KCNIP4: variants seen among roughly 807,000 people sequenced by gnomAD.
KCNIP4 encodes Kv channel-interacting protein 4.
In KCNIP4, 12 loss-of-function variants were observed where a neutral mutation model predicts 34.0. The ratio of observed to expected loss-of-function variants is 0.35; its 90% CI spans 0.23 to 0.57. The LOEUF (loss-of-function observed/expected upper bound fraction) is 0.57. Among genes scored for constraint, KCNIP4 ranks in the 20% least tolerant of loss-of-function variants. The pLI is 0.83. For missense variants in KCNIP4, 238 were observed against 311.7 expected, an observed-to-expected ratio of 0.76 and a Z score of 1.78; for synonymous variants, 124 against 102.2, an observed-to-expected ratio of 1.21 and a Z score of -1.29.
At chr4:20,905,234 C>G (rs370306990) in intron 1 of KCNIP4, among the ~76,000 whole-genome samples, 25 of 152,188 alleles carry the variant, frequency 1.6e-4, no homozygotes, top group African/African-American at 5.1e-4. Context: ...TGTCTTGTAT[C>G]GATGAGCACC....
Position 21,693,110 on chromosome 4 carries a change from AGACAGAGTGGTGG to A in KCNIP4, c.61+255448_61+255460del, listed in dbSNP as rs1711868558. On this transcript the variant is annotated intron_variant, in intron 1 of 8. Coordinates refer to ENST00000382152, the MANE Select transcript of KCNIP4 (RefSeq NM_025221.6). Reference sequence around the variant, plus strand: ...GATTTTGCTTAGGATCACCTCTTCCAGACAGAGTGGTGGCCTTGAGTACAGGAATATAGCCTAC... The same window carrying A: ...GATTTTGCTTAGGATCACCTCTTCCACCTTGAGTACAGGAATATAGCCTAC... Among the ~76,000 whole-genome samples the A allele has an allele frequency of 1.0e-4, 3 of 29,872 alleles. 1 individual carries two copies. The highest frequency in any genetic ancestry group is 2.1e-4 in the Admixed American group (1 of 4,794). The allele number at this position is 29,872 out of a possible 152,430, so 19.6% of individuals were successfully genotyped here.
chr4:20,970,907 T>C (rs1340889353), intron 1 of KCNIP4, among the ~76,000 whole-genome samples: 5 of 152,126 alleles, frequency 3.3e-5, no homozygotes. Flanking sequence ...GTGCTTGAAA[T>C]TTAGCAAAAG....
intron 1 of KCNIP4, among the ~76,000 whole-genome samples, chr4:21,741,411 C>G (rs1376427072): frequency 6.6e-6 from 1 of 152,122 alleles, no homozygotes; most frequent in Non-Finnish European, 1.5e-5. Flanking sequence ...ACTGCATATT[C>G]CAGAAATCCA....
intron 1 of KCNIP4, among the ~76,000 whole-genome samples, chr4:21,096,607 G>C (rs1159211433): frequency 1.3e-5 from 2 of 151,896 alleles, no homozygotes; most frequent in African/African-American, 4.8e-5. Context: ...CACTAAAGTT[G>C]GTTCTTCGAG....
intron 1 of KCNIP4, among the ~76,000 whole-genome samples, chr4:21,795,084 T>A (rs1230297563): frequency 2.0e-5 from 3 of 152,210 alleles, no homozygotes; most frequent in African/African-American, 7.2e-5. Context: ...AGATTGTACC[T>A]CAAAATGAGA....
intron 1 of KCNIP4, among the ~76,000 whole-genome samples, chr4:20,955,364 C>T (rs1175618184): frequency 6.6e-6 from 1 of 152,156 alleles, no homozygotes; most frequent in Non-Finnish European, 1.5e-5. Flanking sequence ...CTACTTTCCT[C>T]TTATCTAGAA....
intron 1 of KCNIP4, among the ~76,000 whole-genome samples, chr4:21,291,867 A>AAAAAAAGAAAG (rs1763506119): frequency 2.0e-5 from 1 of 51,114 alleles, no homozygotes; most frequent in African/African-American, 9.9e-5. Context: ...AAAAAAAAAA[A>AAAAAAAGAAAG]AAAGAAAGAA....
intron 1 of KCNIP4, among the ~76,000 whole-genome samples, chr4:21,396,420 G>T (rs1330401074): frequency 6.6e-6 from 1 of 151,780 alleles, no homozygotes; most frequent in Non-Finnish European, 1.5e-5. Context: ...GCTGAGCATG[G>T]TGGCAGATGC....
At chr4:21,462,228 G>C (rs1729521077) in intron 1 of KCNIP4, among the ~76,000 whole-genome samples, 1 of 152,060 alleles carries the variant, frequency 6.6e-6, no homozygotes, top group South Asian at 2.1e-4. Context: ...TTTTCACCCT[G>C]CTGATAAAGA....
intron 1 of KCNIP4, among the ~76,000 whole-genome samples, chr4:20,987,013 G>A (rs1736640392): frequency 6.6e-6 from 1 of 152,148 alleles, no homozygotes; most frequent in South Asian, 2.1e-4. Flanking sequence ...TGCACCCCCA[G>A]CTGTGAGATT....
At chr4:20,784,580 CCTT>C (rs1352087132) in intron 3 of KCNIP4, among the ~76,000 whole-genome samples, 1 of 152,186 alleles carries the variant, frequency 6.6e-6, no homozygotes, top group Admixed American at 6.6e-5. Flanking sequence ...CTTTCCCTTT[CCTT>C]CTTCTTTCCT....
intron 3 of KCNIP4, among the ~76,000 whole-genome samples, chr4:20,795,875 G>A (rs903748775): frequency 6.6e-6 from 1 of 151,996 alleles, no homozygotes; most frequent in East Asian, 1.9e-4. Flanking sequence ...TCATAAGATG[G>A]TTCACAATGG....
intron 1 of KCNIP4, among the ~76,000 whole-genome samples, chr4:21,863,322 G>GA (rs1303141750): frequency 7.4e-5 from 11 of 149,050 alleles, no homozygotes. Flanking sequence ...GAAATAGACA[G>GA]AAAAAACTAT....
At chr4:21,501,269 C>CACACACACACACACACACAA (rs1733316737) in intron 1 of KCNIP4, among the ~76,000 whole-genome samples, 2 of 151,630 alleles carry the variant, frequency 1.3e-5, no homozygotes, top group East Asian at 3.9e-4. Context: ...CACACACACA[C>CACACACACACACACACACAA]ACACATGCCA....
chr4:21,140,211 C>T (rs2109206271), intron 1 of KCNIP4, among the ~76,000 whole-genome samples: 1 of 152,214 alleles, frequency 6.6e-6, no homozygotes, highest in South Asian at 2.1e-4. Context: ...TTGCTGGTTA[C>T]TACCTGTGTG....
At chr4:21,706,514 A>G (rs1713278039) in intron 1 of KCNIP4, among the ~76,000 whole-genome samples, 1 of 152,188 alleles carries the variant, frequency 6.6e-6, no homozygotes, top group Non-Finnish European at 1.5e-5. Context: ...ATTTTGGAGG[A>G]AATGTTTTTC....
At chr4:21,623,235 C>T (rs1745102968) in intron 1 of KCNIP4, among the ~76,000 whole-genome samples, 1 of 152,134 alleles carries the variant, frequency 6.6e-6, no homozygotes, top group Non-Finnish European at 1.5e-5. Context: ...TGAATTATAT[C>T]ACACACTGAG....
chr4:21,334,670 G>A (rs1208370947), intron 1 of KCNIP4, among the ~76,000 whole-genome samples: 2 of 151,958 alleles, frequency 1.3e-5, no homozygotes, highest in East Asian at 3.9e-4. Flanking sequence ...TACAGTAACA[G>A]CCGTTCACAC....
At chr4:21,354,524 AC>A (rs1199148792) in intron 1 of KCNIP4, among the ~76,000 whole-genome samples, 1 of 152,170 alleles carries the variant, frequency 6.6e-6, no homozygotes, top group Non-Finnish European at 1.5e-5. Flanking sequence ...TAGGCTTTAA[AC>A]CAACAAAGAT....
Sources: gnomAD v4.1 joint callset for allele counts (sites outside exome capture counted in the v4.1 genomes callset) on GRCh38, gnomAD v4.1.1 for gene constraint, MANE v1.5 for transcripts, NCBI Gene and HGNC (gene_info 2026-07-23, HGNC 2026-07-21) for gene names.